Variants in SFTPD observed in about 807,000 individuals in gnomAD.
SFTPD encodes the protein surfactant protein D.
Under a neutral mutation model 34.6 loss-of-function variants are expected in SFTPD, and 18 were observed. That is an observed-to-expected ratio of 0.52 (90% CI 0.36 to 0.77). SFTPD has a LOEUF of 0.77. Ranked by LOEUF, SFTPD falls within the 30% of genes least tolerant of loss-of-function variation. The pLI is 0.00. For synonymous variants in SFTPD, 155 were observed against 180.9 expected (o/e 0.86, Z 1.15); for missense variants, 433 against 468.9 (o/e 0.92, Z 0.71).
chr10:79,940,562 G>T, intron 7 of SFTPD, 143 bp downstream of exon 7: 1 of 605,682 alleles, frequency 1.7e-6, no homozygotes, highest in Non-Finnish European at 3.0e-6. Flanking sequence ...ACAGGTCCCA[G>T]CTCATTCCCA....
chr10:79,977,163 C>A (rs1219764110), intron 1 of SFTPD, among the ~76,000 whole-genome samples: 1 of 152,210 alleles, frequency 6.6e-6, no homozygotes, highest in Non-Finnish European at 1.5e-5. Context: ...GCCATTTCAC[C>A]TCTGGAGCCA....
At chr10:79,975,038 T>C (rs991082276) in intron 1 of SFTPD, among the ~76,000 whole-genome samples, 1 of 151,670 alleles carries the variant, frequency 6.6e-6, no homozygotes, top group Non-Finnish European at 1.5e-5. Context: ...GTAGCTATAA[T>C]ATTTCCCTGT....
At chr10:79,968,198 A>G (rs1842814435) in intron 1 of SFTPD, 1 of 137,770 alleles carries the variant, frequency 7.3e-6, no homozygotes, top group African/African-American at 2.8e-5. Context: ...AATAATTTCA[A>G]CTTTTATTTT....
intron 1 of SFTPD, among the ~76,000 whole-genome samples, chr10:79,954,974 C>T (rs960718717): frequency 1.5e-4 from 23 of 152,306 alleles, no homozygotes; most frequent in African/African-American, 5.1e-4. Context: ...ATAGCTCATT[C>T]ACTTGATACA....
At chr10:79,970,689 A>G (rs919218019) in intron 1 of SFTPD, 1 of 151,822 alleles carries the variant, frequency 6.6e-6, no homozygotes, top group African/African-American at 2.4e-5. Context: ...GCATATGGAA[A>G]TGCTGCTGAT....
At chr10:79,975,198 T>C (rs1276914553) in intron 1 of SFTPD, among the ~76,000 whole-genome samples, 1 of 152,180 alleles carries the variant, frequency 6.6e-6, no homozygotes, top group Non-Finnish European at 1.5e-5. Flanking sequence ...TTTTGCCCAG[T>C]GTCCTCCGGA....
intron 1 of SFTPD, among the ~76,000 whole-genome samples, chr10:79,961,863 T>C (rs1842774985): frequency 6.6e-6 from 1 of 151,878 alleles, no homozygotes; most frequent in African/African-American, 2.4e-5. Context: ...ATTGTGGCAC[T>C]ATTCACAATA....
intron 2 of SFTPD, among the ~76,000 whole-genome samples, chr10:79,944,601 G>C (rs1185745292): frequency 6.6e-6 from 1 of 152,134 alleles, no homozygotes; most frequent in Non-Finnish European, 1.5e-5. Context: ...GGAGCAGCAG[G>C]GGTACAGGGG....
intron 1 of SFTPD, chr10:79,982,139 G>C (rs563279058): frequency 1.3e-4 from 48 of 357,504 alleles, no homozygotes; most frequent in Admixed American, 8.6e-4. Flanking sequence ...CTGGCTCTCC[G>C]GGCGCGCCTG....
chr10:79,956,154 A>C (rs1269180918), intron 1 of SFTPD, among the ~76,000 whole-genome samples: 1 of 152,244 alleles, frequency 6.6e-6, no homozygotes, highest in African/African-American at 2.4e-5. Context: ...AAAAGTTTAA[A>C]ATCACCAAAA....
chr10:79,982,197 C>T, intron 1 of SFTPD: 2 of 487,522 alleles, frequency 4.1e-6, no homozygotes, highest in Non-Finnish European at 6.4e-6. Context: ...CGCACGCGCA[C>T]GTACTGGGGC....
At chr10:79,978,636 A>C (rs530889919) in intron 1 of SFTPD, among the ~76,000 whole-genome samples, 1 of 123,276 alleles carries the variant, frequency 8.1e-6, no homozygotes, top group East Asian at 3.1e-4. Context: ...TGGGCAGCAG[A>C]GTGACACCCT....
intron 1 of SFTPD, among the ~76,000 whole-genome samples, chr10:79,976,339 C>T (rs1335497265): frequency 6.6e-6 from 1 of 152,196 alleles, no homozygotes; most frequent in Admixed American, 6.5e-5. Context: ...GAGATCCAGG[C>T]TTGCACAGTG....
chr10:79,977,882 T>C (rs1842871535), intron 1 of SFTPD, among the ~76,000 whole-genome samples: 1 of 152,158 alleles, frequency 6.6e-6, no homozygotes, highest in Admixed American at 6.5e-5. Flanking sequence ...AGTAAAGAGA[T>C]CTTGCATGAT....
At chr10:79,971,433 A>G (rs935222398) in intron 1 of SFTPD, 2 of 152,182 alleles carry the variant, frequency 1.3e-5, no homozygotes, top group African/African-American at 2.4e-5. Flanking sequence ...AAGAATTGGT[A>G]TTAGTTCTTT....
chr10:79,949,658 A>G (rs1842697338), upstream of SFTPD, among the ~76,000 whole-genome samples: 3 of 152,180 alleles, frequency 2.0e-5, no homozygotes, highest in Admixed American at 1.3e-4. Context: ...GCTCTTTTGC[A>G]TGCTGCTCTA....
chr10:79,980,739 G>T (rs1266110249), intron 1 of SFTPD, among the ~76,000 whole-genome samples: 1 of 152,256 alleles, frequency 6.6e-6, no homozygotes, highest in East Asian at 1.9e-4. Context: ...TTATGGGTCT[G>T]CAAGAGTCAC....
In SFTPD at chr10:79,938,014, G is replaced by T; in HGVS notation, c.966C>A (p.Gly322=). The T allele has an allele frequency of 6.2e-7, 1 of 1,613,930 alleles. No individual in the cohort carries two copies. The highest frequency in any genetic ancestry group is 8.5e-7 in the Non-Finnish European group (1 of 1,179,826). Reference sequence around the variant, plus strand: ...ACTCTCCTGTGGGGTAGGTGAACTTGCCCTCTGTCTTGGAATCAGTCATGC... The same window carrying T: ...ACTCTCCTGTGGGGTAGGTGAACTTTCCCTCTGTCTTGGAATCAGTCATGC... ...FLSMTDSKTE[G]KFTYPTGESL... is the part of the protein sequence containing the mutation. The change falls in exon 8 of 8, where the codon GGC becomes GGA. Residue 322 remains glycine (G), a synonymous_variant. Coordinates refer to ENST00000372292, the MANE Select transcript of SFTPD (RefSeq NM_003019.5).
chr10:79,975,055 G>GA (rs1289409895), intron 1 of SFTPD, among the ~76,000 whole-genome samples: 1 of 132,466 alleles, frequency 7.5e-6, no homozygotes, highest in Non-Finnish European at 1.7e-5. Context: ...CTGTTGATCT[G>GA]GGGGGGTGTA....
Sources: allele counts gnomAD v4.1 joint callset (sites outside exome capture counted in the v4.1 genomes callset), GRCh38; gene constraint gnomAD v4.1.1; transcripts MANE v1.5; gene names NCBI Gene and HGNC (gene_info 2026-07-23, HGNC 2026-07-21).